The following C8orf34 variants were observed in gnomAD, a reference collection of about 807,000 sequenced individuals.
C8orf34 encodes the protein chromosome 8 open reading frame 34, also known as uncharacterized protein C8orf34.
In C8orf34, 65 loss-of-function variants were observed where a neutral mutation model predicts 68.3. That is an observed-to-expected ratio of 0.95 (90% CI 0.78 to 1.17). The LOEUF (loss-of-function observed/expected upper bound fraction) is 1.17, where lower values mean the gene tolerates loss of function less well. Among genes scored for constraint, C8orf34 ranks in the 50% most tolerant of loss-of-function variants. The pLI, the probability that C8orf34 is intolerant of heterozygous loss-of-function variation, is 0.00. For missense variants in C8orf34, 664 were observed against 655.4 expected, an observed-to-expected ratio of 1.01 and a Z score of -0.14; for synonymous variants, 244 against 241.2, an observed-to-expected ratio of 1.01 and a Z score of -0.11.
chr8:68,690,900 T>C (rs1165785702), intron 8 of C8orf34, among the ~76,000 whole-genome samples: 1 of 152,078 alleles, frequency 6.6e-6, no homozygotes, highest in Non-Finnish European at 1.5e-5. Flanking sequence ...CCTGTTTGTA[T>C]AGAACTCTCT....
At position 68,331,219 on chromosome 8, in the gene C8orf34, C is replaced by G. The variant is rs755009477; in HGVS notation, c.207C>G (p.Gly69=). Residue 69 remains glycine, a synonymous_variant, in exon 1 of 14, where the codon GGC becomes GGG. Transcript: ENST00000518698. Reference sequence around the variant, plus strand: ...AAAGGAGGGTTGTCCCCAGCGGAGGCGCACAGCCGCGCGTTCTCCCTGCAC... The same window carrying G: ...AAAGGAGGGTTGTCCCCAGCGGAGGGGCACAGCCGCGCGTTCTCCCTGCAC... ...PGKRRVVPSG[G]AQPRVLPALS... The G allele has an allele frequency of 3.9e-6, 6 of 1,535,958 alleles. 1 individual carries two copies. The South Asian group carries it at 7.1e-5, about 18-fold the overall frequency.
intron 8 of C8orf34, among the ~76,000 whole-genome samples, chr8:68,652,270 T>C (rs1247218984): frequency 6.6e-6 from 1 of 152,250 alleles, no homozygotes; most frequent in Non-Finnish European, 1.5e-5. Context: ...GGCTATTGTC[T>C]TTTAATGGTT....
chr8:68,527,955 C>T (rs1815085119), intron 6 of C8orf34, among the ~76,000 whole-genome samples: 1 of 152,158 alleles, frequency 6.6e-6, no homozygotes, highest in African/African-American at 2.4e-5. Flanking sequence ...TCGTCTGCTG[C>T]TTCCAGATCT....
intron 12 of C8orf34, among the ~76,000 whole-genome samples, chr8:68,814,834 C>G (rs1824761278): frequency 6.6e-6 from 1 of 152,150 alleles, no homozygotes; most frequent in African/African-American, 2.4e-5. Context: ...CCAATGAATG[C>G]TTTATAGGAT....
At chr8:68,747,502 A>G (rs904554222) in intron 10 of C8orf34, among the ~76,000 whole-genome samples, 6 of 148,270 alleles carry the variant, frequency 4.0e-5, no homozygotes, top group African/African-American at 1.5e-4. Context: ...TCTCAGCCCA[A>G]AATCTCCTTA....
chr8:68,607,407 G>A (rs879721166), intron 7 of C8orf34, among the ~76,000 whole-genome samples: 10 of 152,158 alleles, frequency 6.6e-5, no homozygotes, highest in South Asian at 2.1e-4. Context: ...ACAGGTGGCC[G>A]CCTTTTCACT....
intron 9 of C8orf34, among the ~76,000 whole-genome samples, chr8:68,711,804 T>C (rs1453392049): frequency 2.0e-5 from 3 of 152,088 alleles, no homozygotes; most frequent in Non-Finnish European, 4.4e-5. Flanking sequence ...TTGCTAGAGA[T>C]CTAGAACTCC....
chr8:68,452,725 T>G (rs1811395044), intron 3 of C8orf34, among the ~76,000 whole-genome samples: 1 of 151,202 alleles, frequency 6.6e-6, no homozygotes, highest in African/African-American at 2.4e-5. Context: ...TGTTTTTACT[T>G]CATTAACAGT....
chr8:68,651,520 G>C (rs1819356790), intron 8 of C8orf34, among the ~76,000 whole-genome samples: 1 of 152,170 alleles, frequency 6.6e-6, no homozygotes, highest in Non-Finnish European at 1.5e-5. Context: ...GCCACCCAGA[G>C]AATAAGCATC....
In C8orf34 at chr8:68,721,404, C is replaced by T. The variant is rs764018724; in HGVS notation, c.1371C>T (p.Asp457=). ...GTEEALMEEG[D]EFEKASKLTG... is the part of the protein sequence containing the mutation. ...AAGAAGCACTAATGGAGGAGGGTGA[C>T]GAATTTGAGAAAGCATCTAAACTAA... The change falls in exon 10 of 14, where the codon GAC becomes GAT. Residue 457 remains aspartate, a synonymous_variant. Transcript: ENST00000518698. 1.7e-5 allele frequency: 28 copies of T among 1,608,770 alleles called. No homozygotes were observed. The highest frequency in any genetic ancestry group is 5.0e-5 in the Admixed American group (3 of 59,856).
chr8:68,761,649 AC>A (rs1307524528), intron 10 of C8orf34, among the ~76,000 whole-genome samples: 1 of 152,188 alleles, frequency 6.6e-6, no homozygotes, highest in African/African-American at 2.4e-5. Flanking sequence ...TGCCACCAAC[AC>A]ACCAAATGGA....
chr8:68,342,928 T>C (rs1367620872), intron 1 of C8orf34, among the ~76,000 whole-genome samples: 1 of 152,012 alleles, frequency 6.6e-6, no homozygotes, highest in Admixed American at 6.5e-5. Context: ...TAGGCTGAGG[T>C]TGCTAAAATA....
In C8orf34 at chr8:68,500,208, CAG is replaced by C. The variant is rs573507289; in HGVS notation, c.765+12159_765+12160del. Among the ~76,000 whole-genome samples the C allele has an allele frequency of 5.3e-5, 8 of 152,270 alleles. No homozygotes were observed. In the South Asian group the frequency reaches 1.7e-3, roughly 32 times the overall value. On this transcript the variant is annotated intron_variant, in intron 5 of 13. Coordinates refer to ENST00000518698, the MANE Select transcript of C8orf34 (RefSeq NM_052958.4). ...CTTTATAGTAACAAAAATGGCCTAA[CAG>C]AAATATATCACTTCTGTGTTATTCT...
rs572383763 is a variant in C8orf34, at chr8:68,684,166, A to C, written c.1242-24828A>C. Among the ~76,000 whole-genome samples the C allele has an allele frequency of 2.6e-5, 4 of 152,244 alleles. No individual in the cohort carries two copies. The South Asian group carries it at 8.3e-4, about 32-fold the overall frequency. ...CACCAACTGGACCCTGTTTATTTAA[A>C]AATGTTTAATGAACTCATAAAAATA... is the stretch of plus-strand genomic sequence containing the variant. On this transcript the variant is annotated intron_variant, in intron 8 of 13. Transcript: ENST00000518698.
At chr8:68,640,301 C>A (rs1818966518) in intron 7 of C8orf34, 75 bp from the exon 8 acceptor site, 1 of 1,410,928 alleles carries the variant, frequency 7.1e-7, no homozygotes, top group Admixed American at 2.0e-5. Context: ...ATGGCAGATA[C>A]CTGAAAATAT....
intron 1 of C8orf34, among the ~76,000 whole-genome samples, chr8:68,367,907 G>GAAAA (rs1807360133): frequency 7.3e-4 from 11 of 15,026 alleles, no homozygotes; most frequent in Middle Eastern, 0.028. Context: ...AATAAAAAAA[G>GAAAA]AAAAGAAAAA....
At chr8:68,468,892 C>T (rs1812262239) in intron 4 of C8orf34, 72 bp downstream of exon 4, 17 of 1,492,764 alleles carry the variant, frequency 1.1e-5, no homozygotes, top group Non-Finnish European at 1.5e-5. Context: ...TTACTTGTGC[C>T]AATAACCCAT....
At chr8:68,422,468 G>A (rs1348692763) in intron 1 of C8orf34, among the ~76,000 whole-genome samples, 1 of 152,174 alleles carries the variant, frequency 6.6e-6, no homozygotes, top group Non-Finnish European at 1.5e-5. Context: ...CTCACATCAA[G>A]GTCATGCTGA....
chr8:68,742,938 T>C (rs1822346526), intron 10 of C8orf34, among the ~76,000 whole-genome samples: 1 of 152,216 alleles, frequency 6.6e-6, no homozygotes, highest in Non-Finnish European at 1.5e-5. Context: ...TCTGATCATC[T>C]GGCTTCCTGA....
Sources: gnomAD v4.1 joint callset for allele counts (sites outside exome capture counted in the v4.1 genomes callset) on GRCh38, gnomAD v4.1.1 for gene constraint, MANE v1.5 for transcripts, NCBI Gene and HGNC (gene_info 2026-07-23, HGNC 2026-07-21) for gene names.